The following ATP8A1 variants were observed in gnomAD, a reference collection of about 807,000 sequenced individuals.
ATP8A1 encodes ATPase phospholipid transporting 8A1.
In ATP8A1, 90 loss-of-function variants were observed where a neutral mutation model predicts 177.7. That is an observed-to-expected ratio of 0.51 (90% confidence interval 0.43 to 0.60). ATP8A1 has a LOEUF of 0.60. Ranked by LOEUF, ATP8A1 falls within the 20% of genes least tolerant of loss-of-function variation. ATP8A1 has a pLI of 0.00. For missense variants in ATP8A1, 1,072 were observed against 1,392.8 expected (o/e 0.77, Z 3.67); for synonymous variants, 493 against 485.9 (o/e 1.01, Z -0.19).
rs1279809748 is a variant in ATP8A1 at position 42,455,580 on chromosome 4, T to C, written c.2639A>G (p.Asn880Ser). ...YIIEIWFAFV[N>S]GFSGQILFER... ...AAAGAGGATCTGTCCAGAAAAGCCA[T>C]TAACAAAGGCAAACCAGATCTAGGA... The change falls in exon 28 of 37, where the codon AAT becomes AGT. Residue 880 changes from asparagine to serine, a missense_variant. Physicochemically the swap from Asn to Ser is conservative, Grantham distance 46. Transcript: ENST00000381668. 2.5e-6 allele frequency: 4 copies of C among 1,613,282 alleles called. No homozygotes were observed. The highest frequency in any genetic ancestry group is 3.4e-6 in the Non-Finnish European group (4 of 1,179,706).
chr4:42,591,625 G>A (rs4624693), intron 6 of ATP8A1, among the ~76,000 whole-genome samples: 1 of 151,820 alleles, frequency 6.6e-6, no homozygotes, highest in African/African-American at 2.4e-5. Flanking sequence ...ATAGACATGC[G>A]GAGAATATGG....
At chr4:42,642,811 C>A (rs543187255) in intron 1 of ATP8A1, among the ~76,000 whole-genome samples, 6 of 152,134 alleles carry the variant, frequency 3.9e-5, no homozygotes, top group Non-Finnish European at 8.8e-5. Context: ...TGCTGGTATA[C>A]CGTGACCACT....
intron 16 of ATP8A1, among the ~76,000 whole-genome samples, chr4:42,554,666 CG>C (rs1020651206): frequency 2.6e-5 from 4 of 152,010 alleles, no homozygotes; most frequent in Admixed American, 6.6e-5. Flanking sequence ...GAAAAAGTTC[CG>C]GGGTTTAACT....
Position 42,575,716 on chromosome 4 carries a change from T to C in ATP8A1, c.1129-17A>G. The C allele has an allele frequency of 1.9e-6, 3 of 1,600,932 alleles. No homozygotes were observed. The highest frequency in any genetic ancestry group is 2.6e-6 in the Non-Finnish European group (3 of 1,168,976). On this transcript the variant is annotated splice_polypyrimidine_tract_variant and intron_variant, in intron 12 of 36. Transcript: ENST00000381668. The stretch of plus-strand genomic sequence containing the variant: ...GTCAAGATCCTTTAATAAAATTAAG[T>C]AAATCATTGAACACAACTGGTAATA...
At chr4:42,610,916 C>A (rs62302320) in intron 5 of ATP8A1, among the ~76,000 whole-genome samples, 4,362 of 152,186 alleles carry the variant, frequency 0.029, 105 homozygotes, top group Middle Eastern at 0.088. Flanking sequence ...TCCAGAGAGA[C>A]AAAAAGGGAG....
chr4:42,471,841 C>T, intron 25 of ATP8A1: 1 of 572,438 alleles, frequency 1.7e-6, no homozygotes, highest in Non-Finnish European at 3.4e-6. Context: ...ACTGTGAAGC[C>T]CAACAGCGAG....
At position 42,423,602 on chromosome 4, in the gene ATP8A1, T is replaced by A; in HGVS notation, c.3212+15A>T. On this transcript the variant is annotated intron_variant, in intron 34 of 36. Coordinates refer to ENST00000381668, the MANE Select transcript of ATP8A1 (RefSeq NM_006095.2). ...GCATCTATATTTCTCCGTATATAACTGAGTATATACTTACACCTTGTACAC... is the reference window on the plus strand; with the variant it reads ...GCATCTATATTTCTCCGTATATAACAGAGTATATACTTACACCTTGTACAC... 6.5e-7 allele frequency: 1 copy of A among 1,548,156 alleles called. No individual in the cohort carries two copies. The highest frequency in any genetic ancestry group is 8.9e-7 in the Non-Finnish European group (1 of 1,124,958).
At chr4:42,652,579 T>C (rs1264960574) in intron 1 of ATP8A1, among the ~76,000 whole-genome samples, 9 of 152,198 alleles carry the variant, frequency 5.9e-5, no homozygotes. Context: ...ATTGCTATGA[T>C]TTGGCTGTGT....
At chr4:42,605,909 G>A (rs1022996558) in intron 5 of ATP8A1, among the ~76,000 whole-genome samples, 4 of 152,274 alleles carry the variant, frequency 2.6e-5, no homozygotes, top group South Asian at 2.1e-4. Flanking sequence ...CATGTTTCCA[G>A]CAAGACAGGT....
intron 20 of ATP8A1, among the ~76,000 whole-genome samples, chr4:42,539,226 A>G (rs1306163307): frequency 1.3e-5 from 2 of 152,014 alleles, no homozygotes; most frequent in East Asian, 3.9e-4. Context: ...AAGACACGAG[A>G]ATGATACAAC....
At chr4:42,592,686 T>C (rs1734307541) in intron 6 of ATP8A1, among the ~76,000 whole-genome samples, 1 of 152,112 alleles carries the variant, frequency 6.6e-6, no homozygotes, top group South Asian at 2.1e-4. Flanking sequence ...GTGAGCATCA[T>C]AGAGGGTACC....
At chr4:42,573,367 T>C (rs927602728) in intron 14 of ATP8A1, among the ~76,000 whole-genome samples, 5 of 152,180 alleles carry the variant, frequency 3.3e-5, no homozygotes, top group Admixed American at 6.5e-5. Flanking sequence ...GGGTAGAATA[T>C]ATAAGTACAA....
rs1206526035 is a variant in ATP8A1, at chr4:42,505,077, T to C, written c.2087-1563A>G. ...TGTTTCCCTCCCATTTTAGTTTTCTTTATAGCAATCATTGATAGCTATTAT... is the reference window on the plus strand; with the variant it reads ...TGTTTCCCTCCCATTTTAGTTTTCTCTATAGCAATCATTGATAGCTATTAT... On this transcript the variant is annotated intron_variant, in intron 23 of 36. Coordinates refer to ENST00000381668, the MANE Select transcript of ATP8A1 (RefSeq NM_006095.2). 1.3e-5 allele frequency among the ~76,000 whole-genome samples: 2 copies of C among 152,370 alleles called. 1 individual carries two copies. Among genetic ancestry groups the C allele is most frequent in the Middle Eastern group, 6.8e-3 (2 of 294 alleles).
chr4:42,482,365 T>C (rs751245410), intron 25 of ATP8A1, among the ~76,000 whole-genome samples: 1 of 151,260 alleles, frequency 6.6e-6, no homozygotes, highest in African/African-American at 2.4e-5. Context: ...AATACAGTGC[T>C]GTTAGACTGA....
chr4:42,464,947 G>C lies in ATP8A1; in HGVS notation c.2454C>G (p.Ile818Met). 6.2e-7 allele frequency: 1 copy of C among 1,614,190 alleles called. No homozygotes were observed. The highest frequency in any genetic ancestry group is 8.5e-7 in the Non-Finnish European group (1 of 1,180,030). ...MIQTAHVGVGISGNEGLQAAN... is the reference protein window; with the variant it reads ...MIQTAHVGVGMSGNEGLQAAN... The stretch of plus-strand genomic sequence containing the variant: ...CTGCCTGCAGGCCTTCATTGCCACT[G>C]ATACCAACACCAACGTGCGCTGTCT... The change falls in exon 26 of 37, where the codon ATC (isoleucine) becomes ATG (methionine). Residue 818 changes from isoleucine (I) to methionine (M), a missense_variant. Around this residue, in one of 5 missense-constraint regions of ATP8A1, gnomAD observed 316 missense variants for 459.1 expected, o/e 0.69. Transcript: ENST00000381668.
chr4:42,581,413 G>A (rs1000634155), intron 10 of ATP8A1, among the ~76,000 whole-genome samples: 10 of 152,260 alleles, frequency 6.6e-5, no homozygotes, highest in Admixed American at 2.6e-4. Flanking sequence ...GATTACAGGC[G>A]TGAGCCACCG....
At chr4:42,539,095 T>C (rs1728124299) in intron 20 of ATP8A1, among the ~76,000 whole-genome samples, 1 of 152,112 alleles carries the variant, frequency 6.6e-6, no homozygotes, top group Non-Finnish European at 1.5e-5. Context: ...AGTGAAATAA[T>C]GGCACTCGCA....
intron 33 of ATP8A1, among the ~76,000 whole-genome samples, chr4:42,428,120 G>T (rs1206388501): frequency 1.3e-5 from 2 of 152,180 alleles, no homozygotes; most frequent in South Asian, 4.1e-4. Context: ...GGAGGGAAAC[G>T]TAAACTACCC....
At chr4:42,602,297 C>G (rs1298347868) in intron 5 of ATP8A1, among the ~76,000 whole-genome samples, 5 of 152,184 alleles carry the variant, frequency 3.3e-5, no homozygotes, top group Admixed American at 6.5e-5. Flanking sequence ...GCCTGCAGAG[C>G]TCACCCAAAC....
Sources: gnomAD v4.1 joint callset for allele counts (sites outside exome capture counted in the v4.1 genomes callset) on GRCh38, gnomAD v4.1.1 for gene constraint, gnomAD v4.1.1 regional missense constraint, MANE v1.5 for transcripts, NCBI Gene and HGNC (gene_info 2026-07-23, HGNC 2026-07-21) for gene names.